Variants in CYP7B1 observed in about 807,000 individuals in gnomAD.
The protein encoded by CYP7B1 is cytochrome P450 family 7 subfamily B member 1.
Under a neutral mutation model 42.7 loss-of-function variants are expected in CYP7B1, and 29 were observed. The ratio of observed to expected loss-of-function variants is 0.68; its 90% CI spans 0.51 to 0.93. The LOEUF is 0.93. Among genes scored for constraint, CYP7B1 ranks in the 40% least tolerant of loss-of-function variants. CYP7B1 has a pLI of 0.00. For synonymous variants in CYP7B1, 235 were observed against 218.2 expected, an observed-to-expected ratio of 1.08 and a Z score of -0.68; for missense variants, 655 against 600.5, an observed-to-expected ratio of 1.09 and a Z score of -0.95.
intron 1 of CYP7B1, among the ~76,000 whole-genome samples, chr8:64,723,951 G>A (rs1467683902): frequency 1.3e-5 from 2 of 152,038 alleles, no homozygotes; most frequent in Non-Finnish European, 2.9e-5. Context: ...AAGATGCAGA[G>A]AACACATCTT....
Position 64,595,772 on chromosome 8 carries a change from G to A in CYP7B1, c.*870C>T, listed in dbSNP as rs928094168. 6.6e-6 allele frequency among the ~76,000 whole-genome samples: 1 copy of A among 152,120 alleles called. No homozygotes were observed. ...ACCAAATACTATATCTAGCTTCTCA[G>A]TTTATATATATGAAAGCATTTAGGA... is the stretch of plus-strand genomic sequence containing the variant. On this transcript the variant is annotated 3_prime_UTR_variant, in exon 6 of 6. Coordinates refer to ENST00000310193, the MANE Select transcript of CYP7B1 (RefSeq NM_004820.5).
At chr8:64,604,606 G>T in intron 5 of CYP7B1, 76 bp downstream of exon 5, 1 of 1,568,196 alleles carries the variant, frequency 6.4e-7, no homozygotes, top group Non-Finnish European at 8.7e-7. Flanking sequence ...AGTGGCAAGA[G>T]GAAGAGATAG....
intron 1 of CYP7B1, among the ~76,000 whole-genome samples, chr8:64,665,543 GTTTTT>G (rs989479536): frequency 2.2e-5 from 1 of 46,234 alleles, no homozygotes; most frequent in African/African-American, 7.2e-5. Flanking sequence ...CATTTTAAGT[GTTTTT>G]TTTTTTGGTG....
chr8:64,730,168 T>A (rs2129633058), intron 1 of CYP7B1, among the ~76,000 whole-genome samples: 1 of 152,102 alleles, frequency 6.6e-6, no homozygotes, highest in Non-Finnish European at 1.5e-5. Flanking sequence ...TTCAAGCAGT[T>A]CTCCTGCCTC....
At chr8:64,655,325 A>G (rs1271594109) in intron 1 of CYP7B1, among the ~76,000 whole-genome samples, 1 of 152,232 alleles carries the variant, frequency 6.6e-6, no homozygotes, top group Non-Finnish European at 1.5e-5. Flanking sequence ...AGCTTACAAA[A>G]GAAAAATAAA....
chr8:64,769,859 T>A (rs1015512210), intron 1 of CYP7B1, among the ~76,000 whole-genome samples: 1 of 152,188 alleles, frequency 6.6e-6, no homozygotes, highest in Admixed American at 6.5e-5. Flanking sequence ...AAGACTGACA[T>A]CCACCTCATT....
intron 1 of CYP7B1, among the ~76,000 whole-genome samples, chr8:64,690,449 A>AT (rs202167564): frequency 1.7e-3 from 263 of 151,940 alleles, no homozygotes; most frequent in African/African-American, 5.7e-3. Flanking sequence ...GATGTTGTGT[A>AT]TTTTTTTTGG....
intron 1 of CYP7B1, among the ~76,000 whole-genome samples, chr8:64,717,990 A>C (rs1217849147): frequency 6.6e-6 from 1 of 152,026 alleles, no homozygotes; most frequent in Admixed American, 6.6e-5. Flanking sequence ...AAAATAAATT[A>C]CTATATTTAT....
intron 1 of CYP7B1, among the ~76,000 whole-genome samples, chr8:64,665,632 A>G (rs1173105801): frequency 1.7e-5 from 2 of 119,380 alleles, no homozygotes; most frequent in Admixed American, 1.1e-4. Flanking sequence ...GCTGGAGTGC[A>G]ATGGCGCAAT....
chr8:64,617,925 A>G (rs1805471754), intron 2 of CYP7B1, among the ~76,000 whole-genome samples: 1 of 150,442 alleles, frequency 6.6e-6, no homozygotes, highest in Non-Finnish European at 1.5e-5. Context: ...TCTAAAAATG[A>G]CTCAGATGAC....
At chr8:64,722,236 C>G (rs1392859367) in intron 1 of CYP7B1, among the ~76,000 whole-genome samples, 1 of 152,200 alleles carries the variant, frequency 6.6e-6, no homozygotes, top group Non-Finnish European at 1.5e-5. Context: ...CCTGGCCTCT[C>G]TAGACTGTAC....
intron 1 of CYP7B1, among the ~76,000 whole-genome samples, chr8:64,772,082 T>G (rs909860992): frequency 3.9e-5 from 6 of 152,188 alleles, no homozygotes; most frequent in African/African-American, 1.4e-4. Flanking sequence ...ATTGAAGCAA[T>G]CTGAAGAGAA....
intron 1 of CYP7B1, among the ~76,000 whole-genome samples, chr8:64,689,562 A>T (rs949466188): frequency 2.0e-5 from 3 of 152,018 alleles, no homozygotes; most frequent in Non-Finnish European, 4.4e-5. Flanking sequence ...CAAAACAATT[A>T]TTTGATTCCA....
chr8:64,766,369 T>G (rs538209674), intron 1 of CYP7B1, among the ~76,000 whole-genome samples: 3 of 152,294 alleles, frequency 2.0e-5, no homozygotes, highest in Non-Finnish European at 4.4e-5. Context: ...AGGGTAACTT[T>G]ATCACTCAGT....
chr8:64,728,403 C>G (rs1807353529), intron 1 of CYP7B1, among the ~76,000 whole-genome samples: 1 of 152,210 alleles, frequency 6.6e-6, no homozygotes, highest in African/African-American at 2.4e-5. Flanking sequence ...ACTAAAGCCA[C>G]TTGGTCACAT....
chr8:64,754,873 T>C (rs1807784116), intron 1 of CYP7B1, among the ~76,000 whole-genome samples: 1 of 152,154 alleles, frequency 6.6e-6, no homozygotes, highest in African/African-American at 2.4e-5. Context: ...AGGCCTATAT[T>C]TCTATAGGGA....
intron 1 of CYP7B1, among the ~76,000 whole-genome samples, chr8:64,797,340 C>T (rs1038720453): frequency 1.3e-5 from 2 of 152,182 alleles, no homozygotes; most frequent in African/African-American, 4.8e-5. Context: ...TCTTAACTGG[C>T]TTGCAAATGC....
intron 1 of CYP7B1, among the ~76,000 whole-genome samples, chr8:64,792,517 C>T (rs994263246): frequency 2.0e-5 from 3 of 152,094 alleles, no homozygotes; most frequent in African/African-American, 7.2e-5. Flanking sequence ...TTCATTTGTA[C>T]TGAGTATTTA....
At chr8:64,795,562 C>T (rs1185064679) in intron 1 of CYP7B1, among the ~76,000 whole-genome samples, 2 of 152,158 alleles carry the variant, frequency 1.3e-5, no homozygotes, top group Non-Finnish European at 2.9e-5. Context: ...CCCAAACCTT[C>T]CCTATCTAAG....
Sources: allele counts gnomAD v4.1 joint callset (sites outside exome capture counted in the v4.1 genomes callset), GRCh38; gene constraint gnomAD v4.1.1; transcripts MANE v1.5; gene names NCBI Gene and HGNC (gene_info 2026-07-23, HGNC 2026-07-21).